The following NHSL1 variants were observed in gnomAD, a reference collection of about 807,000 sequenced individuals.
NHSL1 encodes NHS-like protein 1.
Under a neutral mutation model 95.0 loss-of-function variants are expected in NHSL1, and 48 were observed. That is an observed-to-expected ratio of 0.51 (90% CI 0.40 to 0.64). The LOEUF (loss-of-function observed/expected upper bound fraction) is 0.64, where lower values mean the gene tolerates loss of function less well. NHSL1 is among the 30% of genes least tolerant of loss of function. The pLI is 0.00. For synonymous variants in NHSL1, 783 were observed against 833.9 expected (o/e 0.94, Z 1.05); for missense variants, 1,971 against 2,077.7 (o/e 0.95, Z 1.00).
intron 3 of NHSL1, 21 bp downstream of exon 3, chr6:138,473,285 G>C (rs547317179): frequency 1.3e-6 from 2 of 1,521,516 alleles, no homozygotes; most frequent in Non-Finnish European, 1.8e-6. Flanking sequence ...CCAGGACCCC[G>C]TGTTGAACTT....
chr6:138,451,800 A>G (rs1345676199), intron 3 of NHSL1, among the ~76,000 whole-genome samples: 2 of 152,240 alleles, frequency 1.3e-5, no homozygotes, highest in Non-Finnish European at 2.9e-5. Flanking sequence ...GGCAATATTT[A>G]CAATAAATTA....
At chr6:138,650,373 T>A in intron 1 of NHSL1, 1 of 1,361,590 alleles carries the variant, frequency 7.3e-7, no homozygotes, top group Non-Finnish European at 1.0e-6. Flanking sequence ...CAGCCCACAG[T>A]TGTTCACAGC....
intron 1 of NHSL1, among the ~76,000 whole-genome samples, chr6:138,652,224 C>T (rs993879819): frequency 2.0e-5 from 3 of 151,912 alleles, no homozygotes; most frequent in African/African-American, 7.3e-5. Flanking sequence ...GGCAGATCAC[C>T]TGAGGTCAGG....
At chr6:138,501,548 G>A (rs1780682880), upstream of NHSL1, among the ~76,000 whole-genome samples, 1 of 152,148 alleles carries the variant, frequency 6.6e-6, no homozygotes, top group Admixed American at 6.5e-5. Flanking sequence ...ACTGTGTAAT[G>A]AATCTCACTG....
At chr6:138,580,735 A>G (rs139856038) in intron 1 of NHSL1, among the ~76,000 whole-genome samples, 118 of 152,368 alleles carry the variant, frequency 7.7e-4, no homozygotes, top group African/African-American at 2.6e-3. Flanking sequence ...TAATAGCCCC[A>G]CAATTACCAA....
At chr6:138,540,293 G>T (rs1418695926) in intron 1 of NHSL1, among the ~76,000 whole-genome samples, 2 of 152,334 alleles carry the variant, frequency 1.3e-5, no homozygotes, top group South Asian at 4.1e-4. Context: ...GAGTCACACA[G>T]ATGCAATATT....
chr6:138,649,189 C>T (rs901949444), intron 1 of NHSL1, among the ~76,000 whole-genome samples: 1 of 152,094 alleles, frequency 6.6e-6, no homozygotes, highest in South Asian at 2.1e-4. Flanking sequence ...TTTAACCTTT[C>T]ATCCAGAACC....
intron 1 of NHSL1, among the ~76,000 whole-genome samples, chr6:138,628,253 G>A (rs368737749): frequency 5.9e-5 from 9 of 151,286 alleles, no homozygotes; most frequent in African/African-American, 2.0e-4. Context: ...CGGAGGTTGC[G>A]GTGAGCTGAG....
chr6:138,468,286 C>T (rs1778519307), intron 3 of NHSL1, among the ~76,000 whole-genome samples: 1 of 152,164 alleles, frequency 6.6e-6, no homozygotes, highest in South Asian at 2.1e-4. Flanking sequence ...TACACAAATG[C>T]TCACCATTAT....
At chr6:138,540,547 T>C (rs926975140) in intron 1 of NHSL1, among the ~76,000 whole-genome samples, 1 of 152,194 alleles carries the variant, frequency 6.6e-6, no homozygotes, top group Non-Finnish European at 1.5e-5. Context: ...AAGAAAAGAA[T>C]CTAAGGAATT....
intron 3 of NHSL1, among the ~76,000 whole-genome samples, chr6:138,465,442 T>C (rs1457790469): frequency 6.6e-6 from 1 of 152,198 alleles, no homozygotes; most frequent in Non-Finnish European, 1.5e-5. Context: ...CAGTCCTCAG[T>C]GCCGTTTTGC....
intron 2 of NHSL1, among the ~76,000 whole-genome samples, chr6:138,487,354 C>T (rs1418305779): frequency 6.6e-6 from 1 of 152,186 alleles, no homozygotes; most frequent in Admixed American, 6.5e-5. Context: ...CCGCTATGAA[C>T]CTTGCACATA....
chr6:138,571,637 G>T, intron 1 of NHSL1: 1 of 1,374,942 alleles, frequency 7.3e-7, no homozygotes, highest in Non-Finnish European at 1.0e-6. Flanking sequence ...ATCATGAAGG[G>T]GGAGTGATAG....
At chr6:138,554,409 G>A (rs914276896) in intron 1 of NHSL1, among the ~76,000 whole-genome samples, 1 of 152,248 alleles carries the variant, frequency 6.6e-6, no homozygotes, top group Admixed American at 6.5e-5. Context: ...ACAGAAACAG[G>A]TGCAACTTCT....
intron 1 of NHSL1, among the ~76,000 whole-genome samples, chr6:138,679,476 G>A (rs915633061): frequency 1.3e-5 from 2 of 152,106 alleles, no homozygotes; most frequent in Non-Finnish European, 1.5e-5. Context: ...TATGTTTTTT[G>A]TTTAGAAGAT....
chr6:138,505,871 C>G (rs1198076586), intron 1 of NHSL1, among the ~76,000 whole-genome samples: 1 of 152,084 alleles, frequency 6.6e-6, no homozygotes, highest in Non-Finnish European at 1.5e-5. Flanking sequence ...GGTGCTTTTA[C>G]TGATTGTTAA....
intron 1 of NHSL1, among the ~76,000 whole-genome samples, chr6:138,659,046 CTTTTTTTTT>C (rs771033274): frequency 8.5e-6 from 1 of 117,824 alleles, no homozygotes; most frequent in African/African-American, 3.0e-5. Flanking sequence ...TGTGGACTAT[CTTTTTTTTT>C]TTTTTTTTTT....
rs182894406 is a variant in NHSL1, at chr6:138,478,068, A to C, written c.212-4635T>G. Among the ~76,000 whole-genome samples, 139 of 91,954 alleles carry C rather than the reference A, an allele frequency of 1.5e-3. 1 individual carries two copies. The highest frequency in any genetic ancestry group is 5.1e-3 in the Admixed American group (28 of 5,510). The allele number at this position is 91,954 out of a possible 152,430, so 60.3% of individuals were successfully genotyped here. On this transcript the variant is annotated intron_variant, in intron 2 of 7. Coordinates refer to ENST00000343505, the MANE Select transcript of NHSL1 (RefSeq NM_001144060.2). ...AGACTGAGTTTCGCTTTTTTTGCCC[A>C]GGCTGGAACAGAGTGCAATGGTGCA...
intron 2 of NHSL1, among the ~76,000 whole-genome samples, chr6:138,484,340 C>A (rs1344031083): frequency 1.3e-5 from 2 of 151,764 alleles, no homozygotes; most frequent in Non-Finnish European, 2.9e-5. Context: ...GGTTTCTTTG[C>A]CAGGGGAGGG....
Sources: gnomAD v4.1 joint callset for allele counts (sites outside exome capture counted in the v4.1 genomes callset) on GRCh38, gnomAD v4.1.1 for gene constraint, MANE v1.5 for transcripts, NCBI Gene and HGNC (gene_info 2026-07-23, HGNC 2026-07-21) for gene names.